Variants in SNX29 observed in about 807,000 individuals in gnomAD.
SNX29 encodes sorting nexin 29, also known as sorting nexin-29.
A neutral mutation model predicts 102.1 loss-of-function variants in SNX29; 78 were observed. The observed-to-expected ratio is 0.76, with a 90% CI of 0.64 to 0.92. SNX29 has a LOEUF of 0.92. SNX29 is among the 40% of genes least tolerant of loss of function. The probability of loss-of-function intolerance (pLI) is 0.00; values close to 1 mark genes in which losing one functional copy is unlikely to be tolerated. For missense variants in SNX29, 1,280 were observed against 1,061.7 expected, an observed-to-expected ratio of 1.21 and a Z score of -2.86; for synonymous variants, 580 against 414.5, an observed-to-expected ratio of 1.40 and a Z score of -4.85.
At chr16:12,061,722 C>T in intron 9 of SNX29, 76 bp downstream of exon 9, 1 of 1,338,154 alleles carries the variant, frequency 7.5e-7, no homozygotes, top group South Asian at 1.3e-5. Flanking sequence ...TCTGAGTTCC[C>T]TGGACAGGTA....
At chr16:12,318,259 G>A (rs1253589352) in intron 15 of SNX29, among the ~76,000 whole-genome samples, 1 of 152,230 alleles carries the variant, frequency 6.6e-6, no homozygotes, top group Admixed American at 6.5e-5. Context: ...GCAGGCCTTT[G>A]TTGAACCGTA....
At chr16:12,545,818 C>T (rs1014798196) in intron 20 of SNX29, among the ~76,000 whole-genome samples, 1 of 152,078 alleles carries the variant, frequency 6.6e-6, no homozygotes, top group South Asian at 2.1e-4. Context: ...CCTACTGACT[C>T]TCCAGACCTG....
intron 19 of SNX29, among the ~76,000 whole-genome samples, chr16:12,503,696 G>A (rs1007774726): frequency 1.8e-4 from 27 of 152,020 alleles, no homozygotes; most frequent in African/African-American, 6.3e-4. Context: ...CCCTCTCTCC[G>A]TCACTTTTTT....
chr16:12,403,727 C>T (rs1477395235), intron 18 of SNX29, among the ~76,000 whole-genome samples, 198 bp downstream of exon 18: 1 of 152,178 alleles, frequency 6.6e-6, no homozygotes, highest in Non-Finnish European at 1.5e-5. Flanking sequence ...ATACGGTGGG[C>T]CTCTTCGTGC....
intron 14 of SNX29, among the ~76,000 whole-genome samples, chr16:12,237,055 A>G (rs2077956914): frequency 6.6e-6 from 1 of 151,886 alleles, no homozygotes; most frequent in South Asian, 2.1e-4. Context: ...TGGGAAACTG[A>G]CTCTCAGTCT....
At chr16:12,453,294 C>A (rs146947180) in intron 18 of SNX29, among the ~76,000 whole-genome samples, 1 of 152,330 alleles carries the variant, frequency 6.6e-6, no homozygotes, top group Non-Finnish European at 1.5e-5. Context: ...CCCCACATGA[C>A]CACCATCTTC....
intron 14 of SNX29, among the ~76,000 whole-genome samples, 198 bp downstream of exon 14, chr16:12,199,881 A>G (rs1351432389): frequency 2.0e-5 from 3 of 152,262 alleles, no homozygotes; most frequent in Non-Finnish European, 4.4e-5. Flanking sequence ...CTAGTATTGT[A>G]AGACTCACTT....
intron 15 of SNX29, among the ~76,000 whole-genome samples, chr16:12,321,097 T>TCCTCCAGGTCTCAGCTTCCC (rs2080916790): frequency 6.6e-6 from 1 of 152,094 alleles, no homozygotes; most frequent in Admixed American, 6.5e-5. Context: ...CTCCGCTGCC[T>TCCTCCAGGTCTCAGCTTCCC]CCTCCAGGTC....
At chr16:12,155,623 A>C (rs2055514072) in intron 13 of SNX29, among the ~76,000 whole-genome samples, 1 of 152,188 alleles carries the variant, frequency 6.6e-6, no homozygotes. Context: ...CTGCCTCTTG[A>C]GGGCAGACTG....
intron 18 of SNX29, among the ~76,000 whole-genome samples, chr16:12,422,247 C>T (rs1263730962): frequency 6.6e-6 from 1 of 152,158 alleles, no homozygotes; most frequent in African/African-American, 2.4e-5. Context: ...ACCTGTTGGG[C>T]CTCAGGTTAC....
intron 19 of SNX29, among the ~76,000 whole-genome samples, chr16:12,524,303 C>G (rs1024027862): frequency 1.3e-5 from 2 of 151,860 alleles, no homozygotes; most frequent in African/African-American, 4.8e-5. Flanking sequence ...TGATAATTAC[C>G]CGCTGACCTG....
intron 4 of SNX29, among the ~76,000 whole-genome samples, chr16:12,040,917 G>A (rs748035884): frequency 6.6e-5 from 10 of 152,176 alleles, no homozygotes; most frequent in East Asian, 1.9e-4. Flanking sequence ...GGGTTCAAGC[G>A]ATTCTCCTGC....
chr16:12,508,743 C>G (rs1376546235), intron 19 of SNX29, among the ~76,000 whole-genome samples: 2 of 152,158 alleles, frequency 1.3e-5, no homozygotes, highest in Non-Finnish European at 1.5e-5. Context: ...TTTATCTCCA[C>G]CAGCTCCAGG....
chr16:12,544,995 G>C (rs2077522250), intron 20 of SNX29, among the ~76,000 whole-genome samples: 1 of 152,180 alleles, frequency 6.6e-6, no homozygotes, highest in African/African-American at 2.4e-5. Context: ...GTCCTAGGTG[G>C]CACAGCTAGG....
At chr16:12,338,591 G>A (rs1369488099) in intron 15 of SNX29, among the ~76,000 whole-genome samples, 1 of 152,212 alleles carries the variant, frequency 6.6e-6, no homozygotes, top group Admixed American at 6.5e-5. Flanking sequence ...GAAAGGCTGT[G>A]TAATTTGTGT....
In SNX29 at chr16:12,455,564, C is replaced by A. The variant is rs369695972; in HGVS notation, c.2038-22155C>A. On this transcript the variant is annotated intron_variant, in intron 18 of 20. Coordinates refer to ENST00000566228, the MANE Select transcript of SNX29 (RefSeq NM_032167.5). ...CCTGAGTTGTGGATCCCGGGACCTA[C>A]CTGTTTCTTCCTCTGTCTTAGGTGA... Among the ~76,000 whole-genome samples, 3 of 152,362 alleles carry A rather than the reference C, an allele frequency of 2.0e-5. 1 individual carries two copies.
At chr16:12,489,016 AT>A (rs1567615716) in intron 19 of SNX29, among the ~76,000 whole-genome samples, 1 of 152,162 alleles carries the variant, frequency 6.6e-6, no homozygotes, top group Non-Finnish European at 1.5e-5. Flanking sequence ...GTATATCCTT[AT>A]TTAGTCTCTC....
Position 12,215,591 on chromosome 16 carries a change from C to A in SNX29, c.1678+15908C>A, listed in dbSNP as rs536873613. Among the ~76,000 whole-genome samples, 4 of 152,278 alleles carry A rather than the reference C, an allele frequency of 2.6e-5. No homozygotes were observed. The South Asian group carries it at 8.3e-4, about 32-fold the overall frequency. On this transcript the variant is annotated intron_variant, in intron 14 of 20. Transcript: ENST00000566228. ...GCCTGGTCTTTTTAGTTCAAGATTT[C>A]TGCCAGGCAGTGGAACAGGCAGGCA...
At position 12,069,164 on chromosome 16, in the gene SNX29, A is replaced by T. The variant is rs1446191384; in HGVS notation, c.1319+32A>T. On this transcript the variant is annotated intron_variant, in intron 10 of 20. Transcript: ENST00000566228. Reference sequence around the variant, plus strand: ...ATTGAGAAACCCAGTTGCCTGTGGCATTAAAACATCCTATTCACAGCTGTG... The same window carrying T: ...ATTGAGAAACCCAGTTGCCTGTGGCTTTAAAACATCCTATTCACAGCTGTG... 2.5e-6 allele frequency: 4 copies of T among 1,570,820 alleles called. No individual in the cohort carries two copies. In the Admixed American group the frequency reaches 5.1e-5, roughly 20 times the overall value.
Sources: allele counts gnomAD v4.1 joint callset (sites outside exome capture counted in the v4.1 genomes callset), GRCh38; gene constraint gnomAD v4.1.1; transcripts MANE v1.5; gene names NCBI Gene and HGNC (gene_info 2026-07-23, HGNC 2026-07-21).